AFAP1L2: variants seen among roughly 807,000 people sequenced by gnomAD.
The protein encoded by AFAP1L2 is actin filament-associated protein 1-like 2.
In AFAP1L2, 46 loss-of-function variants were observed where a neutral mutation model predicts 99.3. The ratio of observed to expected loss-of-function variants is 0.46; its 90% CI spans 0.37 to 0.59. The LOEUF (loss-of-function observed/expected upper bound fraction) is 0.59. Ranked by LOEUF, AFAP1L2 falls within the 20% of genes least tolerant of loss-of-function variation. The pLI is 0.00. For synonymous variants in AFAP1L2, 397 were observed against 419.1 expected (o/e 0.95, Z 0.64); for missense variants, 959 against 1,034.9 (o/e 0.93, Z 1.01).
At chr10:114,339,180 C>T (rs183075705) in intron 2 of AFAP1L2, among the ~76,000 whole-genome samples, 21 of 152,340 alleles carry the variant, frequency 1.4e-4, no homozygotes, top group East Asian at 5.8e-4. Flanking sequence ...TCACTTAGGC[C>T]GGGCGCGGTG....
chr10:114,319,423 C>T (rs72823092), intron 5 of AFAP1L2: 10,658 of 564,216 alleles, frequency 0.019, 166 homozygotes, highest in Middle Eastern at 0.028. Flanking sequence ...TCTGGAAGAT[C>T]GCACGTGGCA....
chr10:114,289,056 G>C, the AFAP1L2 span: 1 of 1,614,092 alleles, frequency 6.2e-7, no homozygotes. Flanking sequence ...AGTTTGAGGT[G>C]AACCCTGACG....
chr10:114,290,087 C>A, downstream of AFAP1L2: 2 of 966,600 alleles, frequency 2.1e-6, no homozygotes, highest in Non-Finnish European at 3.0e-6. Context: ...ACTAACCTAG[C>A]CAAGTGGTAT....
In AFAP1L2 at chr10:114,314,002, G is replaced by A. The variant is rs2043696530; in HGVS notation, c.661C>T (p.Leu221=). 2 of 1,613,886 alleles carry A rather than the reference G, an allele frequency of 1.2e-6. No homozygotes were observed. The highest frequency in any genetic ancestry group is 1.7e-5 in the Admixed American group (1 of 59,994). ...DHSPQLDVNL[L]GSSVIHKEKQ... is the part of the protein sequence containing the mutation. ...TCCTTGTGAATGACGCTGCTGCCCAGTAGGTTCACGTCCAGCTGAGGGCTG... is the reference window on the plus strand; with the variant it reads ...TCCTTGTGAATGACGCTGCTGCCCAATAGGTTCACGTCCAGCTGAGGGCTG... Residue 221 remains leucine (L), a synonymous_variant, in exon 7 of 19, where the codon CTG becomes TTG. Coordinates refer to ENST00000304129, the MANE Select transcript of AFAP1L2 (RefSeq NM_001001936.3).
At chr10:114,380,678 G>C (rs1044393711) in intron 1 of AFAP1L2, among the ~76,000 whole-genome samples, 1 of 152,138 alleles carries the variant, frequency 6.6e-6, no homozygotes, top group African/African-American at 2.4e-5. Context: ...GAGATCAATG[G>C]AAAAGATTAG....
the AFAP1L2 span, chr10:114,286,344 C>T: frequency 6.2e-7 from 1 of 1,613,486 alleles, no homozygotes; most frequent in Non-Finnish European, 8.5e-7. Context: ...GCGCGTCACG[C>T]AAGGGCGCGA....
In AFAP1L2 at chr10:114,346,238, GA is replaced by G. The variant is rs1357002147; in HGVS notation, c.17-5508del. 2.0e-5 allele frequency among the ~76,000 whole-genome samples: 3 copies of G among 152,268 alleles called. No homozygotes were observed. The East Asian group carries it at 5.8e-4, about 29-fold the overall frequency. On this transcript the variant is annotated intron_variant, in intron 1 of 18. Transcript: ENST00000304129. ...CAGGTCCAGCCAGGCCCCTTCTCCA[GA>G]AAGCCACTGTGACCAGCGGCACTCA...
chr10:114,324,752 G>C (rs1307032059), intron 4 of AFAP1L2, among the ~76,000 whole-genome samples: 1 of 152,218 alleles, frequency 6.6e-6, no homozygotes, highest in African/African-American at 2.4e-5. Flanking sequence ...GAGGTTGTAG[G>C]GGGAGATGAT....
chr10:114,306,379 A>AGGAGGGGAGGC (rs1265859385), intron 10 of AFAP1L2, among the ~76,000 whole-genome samples: 1 of 148,444 alleles, frequency 6.7e-6, no homozygotes, highest in Non-Finnish European at 1.5e-5. Flanking sequence ...GCAGGAGGGC[A>AGGAGGGGAGGC]TGGGTGTCTA....
At chr10:114,398,555 C>A (rs1370687681) in intron 1 of AFAP1L2, among the ~76,000 whole-genome samples, 1 of 152,264 alleles carries the variant, frequency 6.6e-6, no homozygotes, top group Non-Finnish European at 1.5e-5. Context: ...TTACCAATAG[C>A]TCTTACAAGT....
chr10:114,389,264 TA>T lies in AFAP1L2; in HGVS notation c.16+15175del, dbSNP rs377310683. On this transcript the variant is annotated intron_variant, in intron 1 of 18. Transcript: ENST00000304129. ...TCTGAATCTCAAAAAAGGATTTTTT[TA>T]AAAAAGAAAGCAACTATTATTTCAA... is the stretch of plus-strand genomic sequence containing the variant. Among the ~76,000 whole-genome samples the T allele has an allele frequency of 1.3e-4, 20 of 152,170 alleles. No individual in the cohort carries two copies. In the East Asian group the frequency reaches 3.7e-3, roughly 28 times the overall value.
At chr10:114,287,571 C>G in the AFAP1L2 span, among the ~76,000 whole-genome samples, 1 of 152,154 alleles carries the variant, frequency 6.6e-6, no homozygotes, top group Non-Finnish European at 1.5e-5. Flanking sequence ...ACCACTCTCC[C>G]CAAGGCGAGA....
rs779169663 is a variant in AFAP1L2, at chr10:114,310,373, T to C, written c.863A>G (p.Gln288Arg). 22 of 1,613,620 alleles carry C rather than the reference T, an allele frequency of 1.4e-5. No individual in the cohort carries two copies. In the East Asian group the frequency reaches 1.8e-4, roughly 13 times the overall value. Residue 288 changes from glutamine (Q) to arginine (R), a missense_variant, in exon 8 of 19, where the codon CAG becomes CGG. By Grantham distance (43) the Gln-to-Arg change is conservative. Around this residue, in one of 2 missense-constraint regions of AFAP1L2, gnomAD observed 383 missense variants for 472.8 expected, o/e 0.81. Coordinates refer to ENST00000304129, the MANE Select transcript of AFAP1L2 (RefSeq NM_001001936.3). ...SEGNQYTPDA[Q>R]RFNCQKPDIA... The stretch of plus-strand genomic sequence containing the variant: ...GCTTACTTTCTGGCAGTTAAAGCGC[T>C]GGGCATCCGGGGTGTACTGGTTTCC...
At chr10:114,384,298 C>T (rs547130957) in intron 1 of AFAP1L2, among the ~76,000 whole-genome samples, 2 of 152,084 alleles carry the variant, frequency 1.3e-5, no homozygotes, top group Non-Finnish European at 1.5e-5. Flanking sequence ...GCCTTCCTTG[C>T]TTCATCAATG....
At chr10:114,365,114 T>A (rs2053020543) in intron 1 of AFAP1L2, among the ~76,000 whole-genome samples, 1 of 152,178 alleles carries the variant, frequency 6.6e-6, no homozygotes, top group Non-Finnish European at 1.5e-5. Flanking sequence ...TTTCCCCAGC[T>A]CTGTGTACCC....
At chr10:114,314,402 T>C (rs1301798876) in intron 6 of AFAP1L2, among the ~76,000 whole-genome samples, 1 of 152,238 alleles carries the variant, frequency 6.6e-6, no homozygotes, top group Admixed American at 6.5e-5. Context: ...GGACAGACTT[T>C]CACTGTTTCT....
At chr10:114,349,383 CAAAAAAAAAAAA>C (rs113553514) in intron 1 of AFAP1L2, among the ~76,000 whole-genome samples, 1 of 86,252 alleles carries the variant, frequency 1.2e-5, no homozygotes, top group Non-Finnish European at 2.2e-5. Flanking sequence ...AACTCGGTCT[CAAAAAAAAAAAA>C]AAAAAAAAGA....
rs532645055 is a variant in AFAP1L2, at chr10:114,358,872, A to C, written c.17-18141T>G. On this transcript the variant is annotated intron_variant, in intron 1 of 18. Transcript: ENST00000304129. ...GGAGGTTGCAGTGAGCTGAGACTGC[A>C]CCACTGCCCTCCAGCCTGGGCAATA... Among the ~76,000 whole-genome samples, 4 of 152,154 alleles carry C rather than the reference A, an allele frequency of 2.6e-5. No individual in the cohort carries two copies. The East Asian group carries it at 7.7e-4, about 29-fold the overall frequency.
intron 1 of AFAP1L2, among the ~76,000 whole-genome samples, chr10:114,394,801 C>T (rs2057518621): frequency 1.3e-5 from 2 of 152,184 alleles, no homozygotes; most frequent in South Asian, 2.1e-4. Context: ...GGGATATTAC[C>T]GACTTGAACC....
Sources: gnomAD v4.1 joint callset for allele counts (sites outside exome capture counted in the v4.1 genomes callset) on GRCh38, gnomAD v4.1.1 for gene constraint, gnomAD v4.1.1 regional missense constraint, MANE v1.5 for transcripts, NCBI Gene and HGNC (gene_info 2026-07-23, HGNC 2026-07-21) for gene names.